The following CAMTA1 variants were observed in gnomAD, a reference collection of about 807,000 sequenced individuals.
CAMTA1 encodes calmodulin binding transcription activator 1, also known as calmodulin-binding transcription activator 1.
In CAMTA1, 27 loss-of-function variants were observed where a neutral mutation model predicts 170.9. The observed-to-expected ratio is 0.16, with a 90% confidence interval of 0.12 to 0.22. CAMTA1 has a LOEUF of 0.22. CAMTA1 is among the 10% of genes least tolerant of loss of function. The pLI, the probability that CAMTA1 is intolerant of heterozygous loss-of-function variation, is 1.00. For synonymous variants in CAMTA1, 833 were observed against 891.5 expected (o/e 0.93, Z 1.17); for missense variants, 1,619 against 2,217.2 (o/e 0.73, Z 5.42).
At chr1:6,877,745 C>G (rs1002253971) in intron 3 of CAMTA1, among the ~76,000 whole-genome samples, 2 of 152,210 alleles carry the variant, frequency 1.3e-5, no homozygotes, top group Non-Finnish European at 2.9e-5. Context: ...CCCCTTTTCT[C>G]TCTTCTGTGT....
intron 5 of CAMTA1, among the ~76,000 whole-genome samples, chr1:7,285,390 G>A (rs191128179): frequency 1.3e-5 from 2 of 152,296 alleles, no homozygotes; most frequent in East Asian, 1.9e-4. Flanking sequence ...GAAGTTCTGC[G>A]ACGTGCAAGC....
At chr1:7,731,571 C>CA (rs536530455) in intron 11 of CAMTA1, among the ~76,000 whole-genome samples, 1,622 of 86,886 alleles carry the variant, frequency 0.019, 21 homozygotes, top group African/African-American at 0.052. Flanking sequence ...CACTCTGTCT[C>CA]AAAAAAAAAA....
chr1:7,573,015 G>A (rs1178332083), intron 6 of CAMTA1, among the ~76,000 whole-genome samples: 1 of 152,126 alleles, frequency 6.6e-6, no homozygotes, highest in Non-Finnish European at 1.5e-5. Context: ...CCTGGCCTGT[G>A]TTCTACCAGG....
At chr1:7,740,948 CTT>C (rs2096807794) in intron 16 of CAMTA1, among the ~76,000 whole-genome samples, 1 of 152,054 alleles carries the variant, frequency 6.6e-6, no homozygotes, top group South Asian at 2.1e-4. Context: ...GAAGATAACA[CTT>C]AAAAATAATG....
At chr1:6,840,278 TA>T (rs1655137828) in intron 3 of CAMTA1, among the ~76,000 whole-genome samples, 1 of 152,172 alleles carries the variant, frequency 6.6e-6, no homozygotes, top group Non-Finnish European at 1.5e-5. Context: ...GTGAGCAACA[TA>T]ATATGAAGCT....
rs901689316 is a variant in CAMTA1 at position 7,063,588 on chromosome 1, G to A, written c.235-27716G>A. On this transcript the variant is annotated intron_variant, in intron 3 of 22. Coordinates refer to ENST00000303635, the MANE Select transcript of CAMTA1 (RefSeq NM_015215.4). The surrounding 1 kb of genome is among the most constrained non-coding windows in gnomAD (Gnocchi z 4.3). The stretch of plus-strand genomic sequence containing the variant: ...TATCTCCTCCCCTGTAGCCTCCCCT[G>A]CTCTGCCCTCTGCTTTTGGTCTTAA... 1.3e-5 allele frequency among the ~76,000 whole-genome samples: 2 copies of A among 152,194 alleles called. No individual in the cohort carries two copies. The highest frequency in any genetic ancestry group is 1.3e-4 in the Admixed American group (2 of 15,270).
chr1:7,423,669 T>C (rs1174084415), intron 5 of CAMTA1, among the ~76,000 whole-genome samples: 1 of 152,038 alleles, frequency 6.6e-6, no homozygotes, highest in Non-Finnish European at 1.5e-5. Flanking sequence ...ATCTCTCTGA[T>C]CAGTTTTTCT....
intron 11 of CAMTA1, among the ~76,000 whole-genome samples, chr1:7,691,747 CGAGA>C (rs144597291): frequency 6.6e-6 from 1 of 151,014 alleles, no homozygotes; most frequent in African/African-American, 2.4e-5. Flanking sequence ...GACAAGAGAG[CGAGA>C]GAGAGAGAGA....
chr1:7,754,605 A>G (rs1279493599), intron 21 of CAMTA1, among the ~76,000 whole-genome samples: 4 of 152,206 alleles, frequency 2.6e-5, no homozygotes, highest in Admixed American at 6.5e-5. Context: ...GTAGAGGAAA[A>G]TTTCATGAAG....
At chr1:7,713,565 G>A (rs2096587258) in intron 11 of CAMTA1, among the ~76,000 whole-genome samples, 1 of 152,096 alleles carries the variant, frequency 6.6e-6, no homozygotes, top group Non-Finnish European at 1.5e-5. Context: ...AGGTGTAAAT[G>A]TGTTTGTGTT....
intron 5 of CAMTA1, among the ~76,000 whole-genome samples, chr1:7,403,210 C>T (rs945969406): frequency 2.0e-5 from 3 of 152,022 alleles, no homozygotes; most frequent in East Asian, 3.9e-4. Flanking sequence ...AAAAATTAGC[C>T]AGGCGTGATG....
intron 6 of CAMTA1, among the ~76,000 whole-genome samples, chr1:7,591,773 G>A (rs185451757): frequency 1.3e-3 from 194 of 152,332 alleles, no homozygotes; most frequent in Non-Finnish European, 2.5e-3. Context: ...CTCAGGCCAC[G>A]CTGGCTCCTT....
At chr1:7,724,682 G>A (rs1055702074) in intron 11 of CAMTA1, among the ~76,000 whole-genome samples, 3 of 152,030 alleles carry the variant, frequency 2.0e-5, no homozygotes. Flanking sequence ...AATTAGCCAG[G>A]TGTGGTGGCT....
At chr1:7,029,885 CA>C (rs1176879243) in intron 3 of CAMTA1, among the ~76,000 whole-genome samples, 2 of 152,032 alleles carry the variant, frequency 1.3e-5, no homozygotes, top group African/African-American at 4.8e-5. Context: ...TTTCCAAAAA[CA>C]AAACAAAATT....
intron 6 of CAMTA1, among the ~76,000 whole-genome samples, chr1:7,513,116 AC>A (rs1420799245): frequency 2.6e-5 from 4 of 152,018 alleles, no homozygotes; most frequent in Admixed American, 6.5e-5. Context: ...AAAAGGGGAG[AC>A]CAGGGAGGTG....
In CAMTA1 at chr1:7,697,365, T is replaced by C. The variant is rs183514433; in HGVS notation, c.2914+19632T>C. Among the ~76,000 whole-genome samples the C allele has an allele frequency of 2.6e-5, 4 of 152,302 alleles. 1 individual carries two copies. The highest frequency in any genetic ancestry group is 4.1e-4 in the South Asian group (2 of 4,820). On this transcript the variant is annotated intron_variant, in intron 11 of 22. Transcript: ENST00000303635. ...CCATTCTATTGACGAGGAGCCTGAA[T>C]CTTAGAGGAGTCAAGTGACTTGTCC...
At chr1:7,708,543 G>C (rs2096544675) in intron 11 of CAMTA1, among the ~76,000 whole-genome samples, 5 of 152,192 alleles carry the variant, frequency 3.3e-5, no homozygotes, top group Admixed American at 3.3e-4. Context: ...GTATGATCTT[G>C]TGTAATGCTT....
At chr1:7,309,535 G>A (rs947180082) in intron 5 of CAMTA1, among the ~76,000 whole-genome samples, 1 of 151,612 alleles carries the variant, frequency 6.6e-6, no homozygotes, top group South Asian at 2.1e-4. Flanking sequence ...TCCTGACCTC[G>A]TGATCCGCCC....
rs1174515049 is a variant in CAMTA1, at chr1:7,665,294, C to A, written c.2652+95C>A. ...TGCAGCTAAGGGATGCCTGTGGCTG[C>A]CCTTCAGAGGAAGCTCTGGACCACA... On this transcript the variant is annotated intron_variant, in intron 9 of 22. Coordinates refer to ENST00000303635, the MANE Select transcript of CAMTA1 (RefSeq NM_015215.4). The surrounding 1 kb of genome is among the most constrained non-coding windows in gnomAD (Gnocchi z 4.3). 1.9e-6 allele frequency: 2 copies of A among 1,070,402 alleles called. No homozygotes were observed. The highest frequency in any genetic ancestry group is 2.8e-5 in the East Asian group (1 of 35,792). The allele number at this position is 1,070,402 out of a possible 1,614,324, so 66.3% of individuals were successfully genotyped here. A position where few individuals can be genotyped will look rare whatever the true frequency, so the allele number is the denominator to read the frequency against.
Sources: gnomAD v4.1 joint callset for allele counts (sites outside exome capture counted in the v4.1 genomes callset) on GRCh38, gnomAD v4.1.1 for gene constraint, Gnocchi (gnomAD v3.1) non-coding constraint, MANE v1.5 for transcripts, NCBI Gene and HGNC (gene_info 2026-07-23, HGNC 2026-07-21) for gene names.